ERMP1: variants seen among roughly 807,000 people sequenced by gnomAD.
The protein encoded by ERMP1 is Felix-ina.
In ERMP1, 86 loss-of-function variants were observed where a neutral mutation model predicts 92.0. That is an observed-to-expected ratio of 0.93 (90% CI 0.79 to 1.12). ERMP1 has a LOEUF of 1.12. Among genes scored for constraint, ERMP1 ranks in the 50% most tolerant of loss-of-function variants. ERMP1 has a pLI of 0.00. For missense variants in ERMP1, 1,342 were observed against 1,116.3 expected (o/e 1.20, Z -2.88); for synonymous variants, 530 against 412.8 (o/e 1.28, Z -3.44).
intron 2 of ERMP1, among the ~76,000 whole-genome samples, chr9:5,829,482 C>T (rs1563772222): frequency 6.6e-6 from 1 of 152,126 alleles, no homozygotes; most frequent in Non-Finnish European, 1.5e-5. Flanking sequence ...GTTAATATTA[C>T]ATAAGAGTTA....
chr9:5,862,226 C>T (rs1830521035), intron 5 of ERMP1, among the ~76,000 whole-genome samples: 1 of 150,604 alleles, frequency 6.6e-6, no homozygotes, highest in East Asian at 2.0e-4. Flanking sequence ...GAGATGGGAT[C>T]CCCCTATGTT....
At chr9:5,809,489 T>A (rs761974473) in intron 8 of ERMP1, among the ~76,000 whole-genome samples, 1 of 152,160 alleles carries the variant, frequency 6.6e-6, no homozygotes, top group Non-Finnish European at 1.5e-5. Context: ...AGAATCTGAA[T>A]CAACAATATA....
At chr9:5,852,252 G>GTTTTTTTTTTGTTTTTTTGT (rs33978241) in intron 6 of ERMP1, among the ~76,000 whole-genome samples, 1 of 149,286 alleles carries the variant, frequency 6.7e-6, no homozygotes, top group Non-Finnish European at 1.5e-5. Flanking sequence ...GCAGCAGAGT[G>GTTTTTTTTTTGTTTTTTTGT]TTTTTTTTTG....
Position 5,811,200 on chromosome 9 carries a change from G to A in ERMP1, c.1238C>T (p.Pro413Leu), listed in dbSNP as rs1054701833. 3 of 1,613,762 alleles carry A rather than the reference G, an allele frequency of 1.9e-6. No individual in the cohort carries two copies. Among genetic ancestry groups the A allele is most frequent in the East Asian group, 2.2e-5 (1 of 44,884 alleles). Residue 413 changes from proline (P) to leucine (L), a missense_variant, in exon 7 of 15, where the codon CCC becomes CTC. Pro to Leu is a moderately conservative substitution (Grantham distance 98, BLOSUM62 -3). Coordinates refer to ENST00000339450, the MANE Select transcript of ERMP1 (RefSeq NM_024896.3). Reference protein sequence around the residue: ...DVLGLFVIAYPSRIGSIINYM... With the variant: ...DVLGLFVIAYLSRIGSIINYM... ...GTTTATGATTGAGCCAATACGAGAG[G>A]GGTAGGCAATGACAAACAGGCCCAG... is the stretch of plus-strand genomic sequence containing the variant.
In ERMP1 at chr9:5,787,533, G is replaced by A; in HGVS notation, c.2447C>T (p.Ser816Phe). The A allele has an allele frequency of 1.9e-6, 3 of 1,614,088 alleles. No individual in the cohort carries two copies. Among genetic ancestry groups the A allele is most frequent in the Non-Finnish European group, 2.5e-6 (3 of 1,179,964 alleles). ...TGTGACTGGGGTGCCATTGCCAAGA[G>A]ACCACTGAGAAAGTGTTGACCCTTT... ...AHKGSTLSQWSLGNGTPVTSK... is the reference protein window; with the variant it reads ...AHKGSTLSQWFLGNGTPVTSK... The change falls in exon 14 of 15, where the codon TCT (serine) becomes TTT (phenylalanine). Residue 816 changes from serine (S) to phenylalanine (F), a missense_variant. Coordinates refer to ENST00000339450, the MANE Select transcript of ERMP1 (RefSeq NM_024896.3).
intron 6 of ERMP1, among the ~76,000 whole-genome samples, chr9:5,845,797 A>C (rs533805709): frequency 6.6e-6 from 1 of 152,320 alleles, no homozygotes; most frequent in South Asian, 2.1e-4. Context: ...TTTTGTGAGG[A>C]GACTGAGGAG....
In ERMP1 at chr9:5,830,914, G is replaced by C. The variant is rs147487541; in HGVS notation, c.453C>G (p.Ser151Arg). ...LEQIKLIEVQ[S>R]NSLHKISVDV... is the part of the protein sequence containing the mutation. ...CTACTGAAATCTTATGAAGGCTGTT[G>C]CTTTGCACTTCAATCAGTTTAATCT... The change falls in exon 2 of 15, where the codon AGC (serine) becomes AGG (arginine). Residue 151 changes from serine (S) to arginine (R), a missense_variant. Coordinates refer to ENST00000339450, the MANE Select transcript of ERMP1 (RefSeq NM_024896.3). The C allele has an allele frequency of 6.2e-6, 10 of 1,614,030 alleles. No homozygotes were observed. In the South Asian group the frequency reaches 1.1e-4, roughly 18 times the overall value.
chr9:5,791,125 G>C (rs912563546), intron 13 of ERMP1: 3 of 425,254 alleles, frequency 7.1e-6, no homozygotes, highest in South Asian at 3.3e-5. Context: ...CAGTTGAAGT[G>C]AACTTCCTAT....
At chr9:5,847,749 G>T (rs7469996) in intron 6 of ERMP1, among the ~76,000 whole-genome samples, 1 of 151,784 alleles carries the variant, frequency 6.6e-6, no homozygotes, top group African/African-American at 2.4e-5. Flanking sequence ...CAAAAAATTA[G>T]CCGGGCGTGG....
intron 9 of ERMP1, 104 bp from the exon 10 acceptor site, chr9:5,805,321 G>C (rs577678416): frequency 2.2e-5 from 19 of 848,882 alleles, no homozygotes; most frequent in Non-Finnish European, 3.3e-5. Flanking sequence ...AATTAGGTTA[G>C]ATGTGACTCT....
intron 13 of ERMP1, among the ~76,000 whole-genome samples, 191 bp from the exon 14 acceptor site, chr9:5,787,784 G>C (rs1828005842): frequency 6.6e-6 from 1 of 152,206 alleles, no homozygotes; most frequent in Admixed American, 6.5e-5. Flanking sequence ...AGGTACAGGA[G>C]AAAAGGCACA....
chr9:5,825,125 A>T lies in ERMP1; in HGVS notation c.735T>A (p.Phe245Leu). 6.2e-7 allele frequency: 1 copy of T among 1,614,116 alleles called. No individual in the cohort carries two copies. The stretch of plus-strand genomic sequence containing the variant: ...CATTTTCCTCAGCACCATTAAAGAG[A>T]AATATGACAGCATGATGCAAGGCTT... ...SSEALHHAVI[F>L]LFNGAEENVL... is the part of the protein sequence containing the mutation. The change falls in exon 3 of 15, where the codon TTT (phenylalanine) becomes TTA (leucine). Residue 245 changes from phenylalanine to leucine, a missense_variant. Transcript: ENST00000339450.
intron 4 of ERMP1, among the ~76,000 whole-genome samples, chr9:5,819,141 A>T (rs538076047): frequency 6.6e-6 from 1 of 152,218 alleles, no homozygotes; most frequent in African/African-American, 2.4e-5. Context: ...GCATTATCAT[A>T]AAAGTCTAAA....
rs1827950350 is a variant in ERMP1, at chr9:5,786,677, T to A, written c.*467A>T. ...CTATGGCAATCACTTTCCAGTGACCTACACAGAGTTATATTCTCAAGGGGA... is the reference window on the plus strand; with the variant it reads ...CTATGGCAATCACTTTCCAGTGACCAACACAGAGTTATATTCTCAAGGGGA... On this transcript the variant is annotated 3_prime_UTR_variant, in exon 15 of 15. Transcript: ENST00000339450. The A allele has an allele frequency of 6.3e-6, 1 of 159,906 alleles. No individual in the cohort carries two copies. Among genetic ancestry groups the A allele is most frequent in the East Asian group, 1.8e-4 (1 of 5,466 alleles). The allele number at this position is 159,906 out of a possible 1,614,324, so 9.9% of individuals were successfully genotyped here. A position where few individuals can be genotyped will look rare whatever the true frequency, so the allele number is the denominator to read the frequency against.
At chr9:5,789,460 ACAGAAACAGCACTCATGAGCCCTTCTT>A (rs1828080569) in intron 13 of ERMP1, among the ~76,000 whole-genome samples, 2 of 152,346 alleles carry the variant, frequency 1.3e-5, no homozygotes, top group South Asian at 4.1e-4. Flanking sequence ...TTTTAACCAT[ACAGAAACAGCACTCATGAGCCCTTCTT>A]CAGAAACAGT....
At chr9:5,838,980 T>C (rs907115555) in intron 6 of ERMP1, among the ~76,000 whole-genome samples, 10 of 152,226 alleles carry the variant, frequency 6.6e-5, no homozygotes, top group Admixed American at 6.5e-4. Context: ...TTAAGAGCCA[T>C]GGGCCTGGCA....
intron 4 of ERMP1, among the ~76,000 whole-genome samples, chr9:5,814,897 T>C (rs895130143): frequency 1.3e-5 from 2 of 152,122 alleles, no homozygotes; most frequent in African/African-American, 4.8e-5. Flanking sequence ...CAGACAAGTA[T>C]AATCTATTTA....
chr9:5,838,312 G>A (rs544665868), intron 6 of ERMP1, among the ~76,000 whole-genome samples: 1 of 152,028 alleles, frequency 6.6e-6, no homozygotes, highest in South Asian at 2.1e-4. Context: ...AAGGTCGAGG[G>A]GGGTGAATCA....
At chr9:5,787,812 C>A (rs1828007731) in intron 13 of ERMP1, among the ~76,000 whole-genome samples, 1 of 152,134 alleles carries the variant, frequency 6.6e-6, no homozygotes, top group Non-Finnish European at 1.5e-5. Context: ...AATGAGAAAG[C>A]CTGTGTTAAG....
Sources: allele counts gnomAD v4.1 joint callset (sites outside exome capture counted in the v4.1 genomes callset), GRCh38; gene constraint gnomAD v4.1.1; transcripts MANE v1.5; gene names NCBI Gene and HGNC (gene_info 2026-07-23, HGNC 2026-07-21).